The following GALNTL6 variants were observed in gnomAD, a reference collection of about 807,000 sequenced individuals.
The protein encoded by GALNTL6 is polypeptide N-acetylgalactosaminyltransferase-like 6.
A neutral mutation model predicts 73.7 loss-of-function variants in GALNTL6; 46 were observed. The ratio of observed to expected loss-of-function variants is 0.62; its 90% CI spans 0.49 to 0.80. The LOEUF is 0.80. Among genes scored for constraint, GALNTL6 ranks in the 30% least tolerant of loss-of-function variants. The probability of loss-of-function intolerance (pLI) is 0.00; values close to 1 mark genes in which losing one functional copy is unlikely to be tolerated. For synonymous variants in GALNTL6, 259 were observed against 263.7 expected (o/e 0.98, Z 0.17); for missense variants, 604 against 755.0 (o/e 0.80, Z 2.34).
At chr4:172,205,200 A>G (rs905574) in intron 2 of GALNTL6, among the ~76,000 whole-genome samples, 4,629 of 152,334 alleles carry the variant, frequency 0.03, 116 homozygotes, top group Non-Finnish European at 0.044. Context: ...AGGATAAAAC[A>G]TCTGAAAAGT....
intron 2 of GALNTL6, among the ~76,000 whole-genome samples, chr4:171,961,185 G>T (rs191864161): frequency 6.6e-6 from 1 of 152,148 alleles, no homozygotes; most frequent in East Asian, 1.9e-4. Flanking sequence ...CCAGGGAATT[G>T]ACTGAAATGG....
At position 172,799,134 on chromosome 4, in the gene GALNTL6, G is replaced by A. The variant is rs10029343; in HGVS notation, c.554-10227G>A. 9.9e-5 allele frequency among the ~76,000 whole-genome samples: 15 copies of A among 152,268 alleles called. No individual in the cohort carries two copies. The South Asian group carries it at 2.9e-3, about 29-fold the overall frequency. ...TGATAATGAAAGGAAGGCTAAGAGC[G>A]GGCAGAGATCTCAATAGTCACTAGA... On this transcript the variant is annotated intron_variant, in intron 5 of 12. Transcript: ENST00000506823.
chr4:172,550,898 A>G (rs901944224), intron 5 of GALNTL6, among the ~76,000 whole-genome samples: 1 of 152,196 alleles, frequency 6.6e-6, no homozygotes, highest in Non-Finnish European at 1.5e-5. Context: ...AGCTTTTATA[A>G]AAAGACTACA....
At chr4:172,813,125 A>C (rs1741406119) in intron 6 of GALNTL6, among the ~76,000 whole-genome samples, 1 of 152,164 alleles carries the variant, frequency 6.6e-6, no homozygotes, top group African/African-American at 2.4e-5. Flanking sequence ...TTAAATATTT[A>C]CTTTTTGGAA....
chr4:172,208,347 C>A (rs1033685002), intron 2 of GALNTL6, among the ~76,000 whole-genome samples: 2 of 151,942 alleles, frequency 1.3e-5, no homozygotes, highest in African/African-American at 2.4e-5. Context: ...TATTGGAATG[C>A]AAAAATAGAT....
At chr4:172,434,143 ATTAT>A in intron 5 of GALNTL6, among the ~76,000 whole-genome samples, 1 of 152,146 alleles carries the variant, frequency 6.6e-6, no homozygotes, top group East Asian at 1.9e-4. Flanking sequence ...ATTCTTCCAT[ATTAT>A]TTATCATTTT....
intron 3 of GALNTL6, among the ~76,000 whole-genome samples, chr4:172,276,180 C>T (rs1738825992): frequency 1.3e-5 from 2 of 152,262 alleles, no homozygotes; most frequent in African/African-American, 2.4e-5. Flanking sequence ...GCTGGTGGGT[C>T]TTCACAGAAA....
intron 2 of GALNTL6, among the ~76,000 whole-genome samples, chr4:171,884,256 A>C (rs1233185969): frequency 6.6e-6 from 1 of 152,110 alleles, no homozygotes; most frequent in Non-Finnish European, 1.5e-5. Flanking sequence ...ATTTTTCCTA[A>C]AGCATTGAAA....
chr4:171,929,258 G>A (rs986561554), intron 2 of GALNTL6, among the ~76,000 whole-genome samples: 10 of 152,138 alleles, frequency 6.6e-5, no homozygotes, highest in Admixed American at 1.3e-4. Context: ...TTTTTGTAGA[G>A]ATGGGATCTC....
chr4:171,988,963 T>C (rs532036452), intron 2 of GALNTL6, among the ~76,000 whole-genome samples: 1 of 151,548 alleles, frequency 6.6e-6, no homozygotes, highest in African/African-American at 2.4e-5. Flanking sequence ...AGCCTAGGAA[T>C]AGTCAGGGAA....
intron 5 of GALNTL6, among the ~76,000 whole-genome samples, chr4:172,475,122 G>A (rs551982446): frequency 6.6e-6 from 1 of 152,160 alleles, no homozygotes; most frequent in Non-Finnish European, 1.5e-5. Context: ...TTGAAATGTT[G>A]TGATTTATTA....
At chr4:172,984,626 G>T (rs1367122090) in intron 10 of GALNTL6, among the ~76,000 whole-genome samples, 1 of 152,170 alleles carries the variant, frequency 6.6e-6, no homozygotes, top group African/African-American at 2.4e-5. Context: ...GAGGGAGGGG[G>T]CGAGGACGGC....
At chr4:172,958,033 G>C (rs1261976862) in intron 10 of GALNTL6, among the ~76,000 whole-genome samples, 1 of 152,160 alleles carries the variant, frequency 6.6e-6, no homozygotes, top group Admixed American at 6.6e-5. Flanking sequence ...AATGTAGGAG[G>C]CCGGATTGAA....
chr4:172,230,700 A>G (rs1232232874), intron 3 of GALNTL6, among the ~76,000 whole-genome samples: 1 of 152,190 alleles, frequency 6.6e-6, no homozygotes, highest in Non-Finnish European at 1.5e-5. Flanking sequence ...AAAGTGAGTA[A>G]CTCATGATAG....
intron 5 of GALNTL6, among the ~76,000 whole-genome samples, chr4:172,747,285 C>T (rs1351965401): frequency 1.3e-5 from 2 of 151,862 alleles, no homozygotes; most frequent in Non-Finnish European, 2.9e-5. Flanking sequence ...GGTTATTATT[C>T]AAAATATACA....
At chr4:171,856,806 A>G (rs941838208) in intron 2 of GALNTL6, among the ~76,000 whole-genome samples, 4 of 152,198 alleles carry the variant, frequency 2.6e-5, no homozygotes, top group African/African-American at 9.6e-5. Flanking sequence ...AGAATAATCT[A>G]TTGTCAATGC....
At chr4:172,984,184 T>C (rs961774767) in intron 10 of GALNTL6, among the ~76,000 whole-genome samples, 5 of 152,210 alleles carry the variant, frequency 3.3e-5, no homozygotes, top group African/African-American at 7.2e-5. Context: ...GTTCTCAGAT[T>C]GCTAATACAG....
intron 5 of GALNTL6, among the ~76,000 whole-genome samples, chr4:172,545,472 C>T (rs1313016129): frequency 1.3e-5 from 2 of 152,212 alleles, no homozygotes; most frequent in African/African-American, 2.4e-5. Flanking sequence ...TCCTGATTAA[C>T]CACCGTGGTT....
intron 2 of GALNTL6, among the ~76,000 whole-genome samples, chr4:172,216,046 A>G (rs149470835): frequency 6.6e-6 from 1 of 152,110 alleles, no homozygotes; most frequent in African/African-American, 2.4e-5. Context: ...GTTGTTGCTA[A>G]TATTACTTTA....
Sources: allele counts gnomAD v4.1 joint callset (sites outside exome capture counted in the v4.1 genomes callset), GRCh38; gene constraint gnomAD v4.1.1; transcripts MANE v1.5; gene names NCBI Gene and HGNC (gene_info 2026-07-23, HGNC 2026-07-21).